The following CHRM3 variants were observed in gnomAD, a reference collection of about 807,000 sequenced individuals.
CHRM3 encodes the protein cholinergic receptor muscarinic 3.
A neutral mutation model predicts 41.8 loss-of-function variants in CHRM3; 11 were observed. The observed-to-expected ratio is 0.26, with a 90% CI of 0.17 to 0.44. The LOEUF is 0.44. Among genes scored for constraint, CHRM3 ranks in the 20% least tolerant of loss-of-function variants. The pLI, the probability that CHRM3 is intolerant of heterozygous loss-of-function variation, is 1.00. For synonymous variants in CHRM3, 297 were observed against 301.4 expected (o/e 0.99, Z 0.15); for missense variants, 571 against 745.4 (o/e 0.77, Z 2.72).
At chr1:239,396,292 G>C (rs1275194115) in intron 1 of CHRM3, among the ~76,000 whole-genome samples, 2 of 152,050 alleles carry the variant, frequency 1.3e-5, no homozygotes, top group Non-Finnish European at 2.9e-5. Context: ...CAAGTATCTA[G>C]TGCAGAGTCT....
intron 1 of CHRM3, among the ~76,000 whole-genome samples, chr1:239,467,590 G>A (rs911725575): frequency 9.2e-5 from 14 of 152,146 alleles, no homozygotes; most frequent in Non-Finnish European, 1.8e-4. Flanking sequence ...GTGAGCCACC[G>A]TGCCCGGCCG....
chr1:239,807,534 A>T (rs1670750194), intron 5 of CHRM3, among the ~76,000 whole-genome samples: 1 of 152,222 alleles, frequency 6.6e-6, no homozygotes, highest in African/African-American at 2.4e-5. Context: ...GTGAATGGAA[A>T]ATGTTGCCTC....
intron 6 of CHRM3, among the ~76,000 whole-genome samples, chr1:239,838,209 C>G (rs1673488572): frequency 6.6e-6 from 1 of 152,076 alleles, no homozygotes; most frequent in African/African-American, 2.4e-5. Flanking sequence ...AGAAAGGGGT[C>G]TATCAGTGAA....
intron 2 of CHRM3, among the ~76,000 whole-genome samples, chr1:239,496,390 A>G (rs1335888538): frequency 6.6e-6 from 1 of 152,232 alleles, no homozygotes; most frequent in East Asian, 1.9e-4. Context: ...TGTTAAATAT[A>G]TATAATATCT....
intron 5 of CHRM3, among the ~76,000 whole-genome samples, chr1:239,820,321 G>T (rs567001324): frequency 1.2e-4 from 18 of 152,090 alleles, no homozygotes; most frequent in Non-Finnish European, 2.2e-4. Flanking sequence ...TGATTTTTAG[G>T]GGAATTTAAT....
chr1:239,907,416 T>C lies in CHRM3; in HGVS notation c.-19-17T>C, dbSNP rs1354448150. 1 of 1,572,066 alleles carries C rather than the reference T, an allele frequency of 6.4e-7. No individual in the cohort carries two copies. The highest frequency in any genetic ancestry group is 1.8e-5 in the Admixed American group (1 of 54,928). ...GCAGAAATTTTTCTAACTCTGTCTCTTCTCTCTTTCCCCCAGACTATGTCA... is the reference window on the plus strand; with the variant it reads ...GCAGAAATTTTTCTAACTCTGTCTCCTCTCTCTTTCCCCCAGACTATGTCA... On this transcript the variant is annotated splice_polypyrimidine_tract_variant and intron_variant, in intron 6 of 6. Transcript: ENST00000676153. The surrounding 1 kb of genome is among the most constrained non-coding windows in gnomAD (Gnocchi z 5.4).
chr1:239,412,546 C>T lies in CHRM3; in HGVS notation c.-521+25319C>T, dbSNP rs1303939463. On this transcript the variant is annotated intron_variant, in intron 1 of 6. Transcript: ENST00000676153. ...TGGAGTAAGAACAATTGTTCAGGTACGTGCCTCTGCTGGTTATCAGGAAGA... is the reference window on the plus strand; with the variant it reads ...TGGAGTAAGAACAATTGTTCAGGTATGTGCCTCTGCTGGTTATCAGGAAGA... 4.0e-5 allele frequency among the ~76,000 whole-genome samples: 6 copies of T among 150,670 alleles called. No homozygotes were observed. In the East Asian group the frequency reaches 8.1e-4, roughly 20 times the overall value.
At chr1:239,636,440 A>G (rs762267746) in intron 4 of CHRM3, among the ~76,000 whole-genome samples, 3 of 152,216 alleles carry the variant, frequency 2.0e-5, no homozygotes, top group Non-Finnish European at 4.4e-5. Context: ...AGAATGGCAC[A>G]GGGTGTTAAT....
At chr1:239,645,750 C>T (rs1442822495) in intron 4 of CHRM3, among the ~76,000 whole-genome samples, 1 of 151,482 alleles carries the variant, frequency 6.6e-6, no homozygotes, top group African/African-American at 2.4e-5. Flanking sequence ...GGAATGACTA[C>T]AAAAAAATGT....
At chr1:239,630,078 T>C (rs1669633416) in intron 3 of CHRM3, among the ~76,000 whole-genome samples, 1 of 152,228 alleles carries the variant, frequency 6.6e-6, no homozygotes, top group Non-Finnish European at 1.5e-5. Flanking sequence ...TCTTTCTGAA[T>C]CTGATACTAG....
intron 3 of CHRM3, among the ~76,000 whole-genome samples, chr1:239,568,981 G>GT (rs1661599017): frequency 6.6e-6 from 1 of 152,114 alleles, no homozygotes; most frequent in South Asian, 2.1e-4. Flanking sequence ...AAGTTTTCTA[G>GT]TTTGTTGTTA....
intron 6 of CHRM3, among the ~76,000 whole-genome samples, chr1:239,828,343 T>C (rs577790018): frequency 1.3e-5 from 2 of 151,218 alleles, no homozygotes; most frequent in South Asian, 2.2e-4. Flanking sequence ...TATATACACA[T>C]ATATATATGC....
intron 4 of CHRM3, among the ~76,000 whole-genome samples, chr1:239,670,771 A>ACCCCC (rs3063600): frequency 2.7e-5 from 4 of 150,318 alleles, no homozygotes; most frequent in Admixed American, 6.6e-5. Context: ...CAGGTGATCT[A>ACCCCC]CCCCCCCCAC....
At chr1:239,657,365 T>A (rs1369098835) in intron 4 of CHRM3, among the ~76,000 whole-genome samples, 2 of 152,170 alleles carry the variant, frequency 1.3e-5, no homozygotes, top group African/African-American at 4.8e-5. Context: ...TTCACTCAGT[T>A]TGGAATGTTC....
intron 2 of CHRM3, among the ~76,000 whole-genome samples, chr1:239,500,433 A>G (rs1479138302): frequency 7.0e-6 from 1 of 143,442 alleles, no homozygotes; most frequent in African/African-American, 2.6e-5. Flanking sequence ...ACTTGGACAC[A>G]GGAAAGGGAA....
chr1:239,588,254 T>C (rs1037322723), intron 3 of CHRM3, among the ~76,000 whole-genome samples: 4 of 152,188 alleles, frequency 2.6e-5, no homozygotes, highest in African/African-American at 4.8e-5. Context: ...GTTTAGAATA[T>C]TGATCAGCCT....
At chr1:239,804,068 G>C (rs948008504) in intron 5 of CHRM3, among the ~76,000 whole-genome samples, 4 of 152,192 alleles carry the variant, frequency 2.6e-5, no homozygotes, top group African/African-American at 9.6e-5. Context: ...GTGGCAACAG[G>C]AGAGAGGCAG....
intron 5 of CHRM3, among the ~76,000 whole-genome samples, chr1:239,757,241 GGAGT>G (rs1666317210): frequency 6.6e-6 from 1 of 152,154 alleles, no homozygotes. Context: ...GTTAATTCAA[GGAGT>G]GAGATACTGA....
intron 6 of CHRM3, among the ~76,000 whole-genome samples, chr1:239,844,971 T>C (rs956289029): frequency 2.0e-5 from 3 of 152,214 alleles, no homozygotes; most frequent in South Asian, 2.1e-4. Flanking sequence ...AAAAGATGTC[T>C]TAATTTTTTT....
Sources: allele counts gnomAD v4.1 joint callset (sites outside exome capture counted in the v4.1 genomes callset), GRCh38; gene constraint gnomAD v4.1.1; non-coding constraint Gnocchi (gnomAD v3.1); transcripts MANE v1.5; gene names NCBI Gene and HGNC (gene_info 2026-07-23, HGNC 2026-07-21).